Variants in FCHSD2 observed in about 807,000 individuals in gnomAD.
FCHSD2 encodes F-BAR and double SH3 domains protein 2.
A neutral mutation model predicts 108.1 loss-of-function variants in FCHSD2; 38 were observed. The ratio of observed to expected loss-of-function variants is 0.35; its 90% CI spans 0.27 to 0.46. The LOEUF (loss-of-function observed/expected upper bound fraction) is 0.46, where lower values mean the gene tolerates loss of function less well. Ranked by LOEUF, FCHSD2 falls within the 20% of genes least tolerant of loss-of-function variation. The probability of loss-of-function intolerance (pLI) is 1.00; values close to 1 mark genes in which losing one functional copy is unlikely to be tolerated. For synonymous variants in FCHSD2, 279 were observed against 314.7 expected (o/e 0.89, Z 1.20); for missense variants, 751 against 897.8 (o/e 0.84, Z 2.09).
chr11:73,051,860 G>A (rs916966961), intron 3 of FCHSD2, among the ~76,000 whole-genome samples: 78 of 131,048 alleles, frequency 6.0e-4, no homozygotes, highest in South Asian at 1.0e-3. Context: ...ATGCTAACAC[G>A]GTATATAAAC....
chr11:72,961,748 CAT>C (rs1423354673), intron 8 of FCHSD2, among the ~76,000 whole-genome samples: 4 of 152,282 alleles, frequency 2.6e-5, no homozygotes, highest in Non-Finnish European at 2.9e-5. Context: ...TAGTTAATCA[CAT>C]GTCAAGAGAA....
rs1267973954 is a variant in FCHSD2, at chr11:72,902,578, G to T, written c.889C>A (p.Gln297Lys). ...TCACAAGGCTGGAACTGGAAGGGCT[G>T]GGGTTTGTGAAATACAGCGTTTTCT... ...LQENAVFHKPQPFQFQPCDSD... is the reference protein window; with the variant it reads ...LQENAVFHKPKPFQFQPCDSD... The change falls in exon 10 of 20, where the codon CAG (glutamine) becomes AAG (lysine). Residue 297 changes from glutamine (Q) to lysine (K), a missense_variant. By Grantham distance (53) the Gln-to-Lys change is moderately conservative (BLOSUM62 1). Transcript: ENST00000409418. 2 of 1,589,574 alleles carry T rather than the reference G, an allele frequency of 1.3e-6. No homozygotes were observed. The highest frequency in any genetic ancestry group is 3.6e-5 in the Admixed American group (2 of 56,142).
chr11:72,992,261 G>C (rs1857431073), intron 5 of FCHSD2, among the ~76,000 whole-genome samples: 1 of 152,182 alleles, frequency 6.6e-6, no homozygotes. Context: ...TGAAATAAAA[G>C]AGGATACAAA....
chr11:73,131,312 T>TC (rs1860993799), intron 2 of FCHSD2, among the ~76,000 whole-genome samples: 1 of 147,464 alleles, frequency 6.8e-6, no homozygotes, highest in African/African-American at 2.5e-5. Context: ...GGTCAGGAGA[T>TC]CGAGACCATC....
chr11:73,056,029 T>TA (rs1245691423), intron 3 of FCHSD2, among the ~76,000 whole-genome samples: 2 of 151,958 alleles, frequency 1.3e-5, no homozygotes, highest in East Asian at 1.9e-4. Context: ...TTTACCACAA[T>TA]AAAAAAAATC....
At chr11:73,015,642 T>G (rs1174772949) in intron 4 of FCHSD2, among the ~76,000 whole-genome samples, 167 bp downstream of exon 4, 2 of 152,180 alleles carry the variant, frequency 1.3e-5, no homozygotes, top group African/African-American at 4.8e-5. Context: ...TTTAGATTAT[T>G]TAATGTTATA....
chr11:73,074,506 TC>T (rs1395532696), intron 3 of FCHSD2, among the ~76,000 whole-genome samples: 3 of 152,042 alleles, frequency 2.0e-5, no homozygotes, highest in African/African-American at 7.2e-5. Context: ...CAATAAAAAT[TC>T]CAGAACATTG....
intron 12 of FCHSD2, among the ~76,000 whole-genome samples, chr11:72,870,608 T>C (rs1306347013): frequency 5.3e-5 from 8 of 152,054 alleles, no homozygotes; most frequent in Admixed American, 5.2e-4. Flanking sequence ...GCTTAAAGAA[T>C]TCCCCCTTTG....
At position 73,054,214 on chromosome 11, in the gene FCHSD2, C is replaced by A. The variant is rs1446186714; in HGVS notation, c.165+29481G>T. Among the ~76,000 whole-genome samples the A allele has an allele frequency of 2.6e-5, 4 of 151,084 alleles. No individual in the cohort carries two copies. In the East Asian group the frequency reaches 7.7e-4, roughly 29 times the overall value. On this transcript the variant is annotated intron_variant, in intron 3 of 19. Transcript: ENST00000409418. ...AAGCATAAAATATTTACTATCTGGTCCTTTGCAGAAAAAAAAAAAAAAGTT... is the reference window on the plus strand; with the variant it reads ...AAGCATAAAATATTTACTATCTGGTACTTTGCAGAAAAAAAAAAAAAAGTT...
chr11:73,048,184 C>T (rs1368511189), intron 3 of FCHSD2, among the ~76,000 whole-genome samples: 1 of 152,178 alleles, frequency 6.6e-6, no homozygotes, highest in African/African-American at 2.4e-5. Context: ...GCATTTGAGG[C>T]ATAGCTAGAG....
At chr11:72,976,798 G>C (rs570237505) in intron 8 of FCHSD2, among the ~76,000 whole-genome samples, 2 of 152,090 alleles carry the variant, frequency 1.3e-5, no homozygotes, top group African/African-American at 4.8e-5. Flanking sequence ...AACATACACT[G>C]GGGGAAAAGT....
chr11:72,900,233 GCCC>G, intron 10 of FCHSD2: 2 of 485,902 alleles, frequency 4.1e-6, no homozygotes, highest in African/African-American at 2.2e-5. Context: ...CATCCCTCCC[GCCC>G]TTGACCCACA....
At chr11:73,066,625 A>T (rs1859299603) in intron 3 of FCHSD2, among the ~76,000 whole-genome samples, 1 of 152,190 alleles carries the variant, frequency 6.6e-6, no homozygotes, top group Non-Finnish European at 1.5e-5. Context: ...ATCTACAAAG[A>T]ACTTAAACAA....
intron 12 of FCHSD2, 56 bp from the exon 13 acceptor site, chr11:72,868,082 A>C: frequency 6.6e-7 from 1 of 1,506,676 alleles, no homozygotes; most frequent in Non-Finnish European, 9.0e-7. Flanking sequence ...ACAATAGCAA[A>C]GATAAGGAAT....
intron 12 of FCHSD2, among the ~76,000 whole-genome samples, chr11:72,870,377 G>T (rs1437616725): frequency 6.6e-6 from 1 of 151,990 alleles, no homozygotes. Flanking sequence ...CCTGTTATGT[G>T]TTCAGTAACC....
intron 3 of FCHSD2, among the ~76,000 whole-genome samples, chr11:73,066,045 A>G (rs1026212200): frequency 2.6e-5 from 4 of 152,194 alleles, no homozygotes; most frequent in Admixed American, 1.3e-4. Flanking sequence ...CTGCATTGCC[A>G]AAACAATCCT....
At chr11:73,100,629 G>A (rs1284434501) in intron 2 of FCHSD2, among the ~76,000 whole-genome samples, 1 of 151,980 alleles carries the variant, frequency 6.6e-6, no homozygotes, top group Non-Finnish European at 1.5e-5. Flanking sequence ...TCCCAAAGTG[G>A]TGGGATTACA....
intron 2 of FCHSD2, among the ~76,000 whole-genome samples, chr11:73,130,109 C>T (rs534933902): frequency 2.7e-4 from 41 of 152,124 alleles, no homozygotes; most frequent in African/African-American, 9.4e-4. Context: ...CTCCTGATCT[C>T]GTGATCCGCC....
intron 3 of FCHSD2, among the ~76,000 whole-genome samples, chr11:73,025,162 C>T (rs1434163164): frequency 1.3e-5 from 2 of 152,168 alleles, no homozygotes; most frequent in Non-Finnish European, 2.9e-5. Context: ...GAATATAAAT[C>T]ATTCTATTAT....
Sources: allele counts gnomAD v4.1 joint callset (sites outside exome capture counted in the v4.1 genomes callset), GRCh38; gene constraint gnomAD v4.1.1; transcripts MANE v1.5; gene names NCBI Gene and HGNC (gene_info 2026-07-23, HGNC 2026-07-21).